GCN1: variants seen among roughly 807,000 people sequenced by gnomAD.
The protein encoded by GCN1 is stalled ribosome sensor GCN1.
A neutral mutation model predicts 288.4 loss-of-function variants in GCN1; 90 were observed. The ratio of observed to expected loss-of-function variants is 0.31; its 90% CI spans 0.26 to 0.37. GCN1 has a LOEUF of 0.37. Ranked by LOEUF, GCN1 falls within the 10% of genes least tolerant of loss-of-function variation. The pLI is 1.00. For synonymous variants in GCN1, 1,386 were observed against 1,420.2 expected (o/e 0.98, Z 0.54); for missense variants, 2,586 against 3,419.9 (o/e 0.76, Z 6.08).
At chr12:120,130,193 G>A (rs868839362) in intron 56 of GCN1, among the ~76,000 whole-genome samples, 49 of 152,262 alleles carry the variant, frequency 3.2e-4, no homozygotes, top group African/African-American at 8.7e-4. Context: ...TCAGAAGCAC[G>A]CCATATCACA....
chr12:120,188,442 A>AG (rs1318774881), intron 2 of GCN1, among the ~76,000 whole-genome samples: 1 of 142,798 alleles, frequency 7.0e-6, no homozygotes, highest in South Asian at 2.1e-4. Flanking sequence ...TCACCAAAGA[A>AG]AAAAAAAAAA....
At position 120,164,701 on chromosome 12, in the gene GCN1, G is replaced by T; in HGVS notation, c.1633C>A (p.Leu545Met). 1 of 1,612,870 alleles carries T rather than the reference G, an allele frequency of 6.2e-7. No homozygotes were observed. The highest frequency in any genetic ancestry group is 8.5e-7 in the Non-Finnish European group (1 of 1,178,838). ...TGGTCAAGGAAAAGTCTCTCTGTCA[G>T]ATGCAACACAGTACACAGGGCTTGG... ...SEDALCTVLH[L>M]TERLFLDHPH... Residue 545 changes from leucine to methionine, a missense_variant, in exon 17 of 58, where the codon CTG becomes ATG. By Grantham distance (15) the Leu-to-Met change is conservative. Coordinates refer to ENST00000300648, the MANE Select transcript of GCN1 (RefSeq NM_006836.2).
rs1389920803 is a variant in GCN1 at position 120,178,886 on chromosome 12, C to T, written c.491G>A (p.Gly164Asp). 2 of 1,614,016 alleles carry T rather than the reference C, an allele frequency of 1.2e-6. No individual in the cohort carries two copies. The highest frequency in any genetic ancestry group is 3.3e-5 in the Admixed American group (2 of 59,996). ...CAGCTTCGTGAGTTTCTTCACAGCACCATCCACGGCGTGCTTGTGGGAGCC... is the reference window on the plus strand; with the variant it reads ...CAGCTTCGTGAGTTTCTTCACAGCATCATCCACGGCGTGCTTGTGGGAGCC... ...LGGSHKHAVD[G>D]AVKKLTKLWK... Residue 164 changes from glycine to aspartate, a missense_variant, in exon 6 of 58, where the codon GGT (glycine) becomes GAT (aspartate). By Grantham distance (94) the Gly-to-Asp change is moderately conservative (BLOSUM62 -1). Transcript: ENST00000300648.
Position 120,155,264 on chromosome 12 carries a change from C to G in GCN1, c.3607G>C (p.Glu1203Gln), listed in dbSNP as rs1212048371. The G allele has an allele frequency of 3.7e-6, 6 of 1,614,208 alleles. No homozygotes were observed. Among genetic ancestry groups the G allele is most frequent in the Non-Finnish European group, 3.4e-6 (4 of 1,180,048 alleles). Residue 1203 changes from glutamate to glutamine, a missense_variant, in exon 30 of 58, where the codon GAG becomes CAG. Glu to Gln is a conservative substitution (Grantham distance 29). This residue lies in a region of GCN1 where 332 missense variants were observed against 403.0 expected (regional missense o/e 0.82). Transcript: ENST00000300648. This position sits in a 1 kb window ranked among gnomAD's most constrained non-coding sequence, Gnocchi z 4.9. ...ACGTAGAGCTTTTCCTGGTAAATCT[C>G]CATGAGCCTGCCCATAACCTCCGCC... ...QAAEVMGRLM[E>Q]IYQEKLYRPP... is the part of the protein sequence containing the mutation.
In GCN1 at chr12:120,137,152, G is replaced by A. The variant is rs1877032501; in HGVS notation, c.6777+54C>T. On this transcript the variant is annotated intron_variant, in intron 50 of 57. Coordinates refer to ENST00000300648, the MANE Select transcript of GCN1 (RefSeq NM_006836.2). The surrounding 1 kb of genome is among the most constrained non-coding windows in gnomAD (Gnocchi z 5.2). ...AGACCTGGGACAGGGGTAAGGGCCAGAAGGGCACAACAGACTGCACGCCCA... is the reference window on the plus strand; with the variant it reads ...AGACCTGGGACAGGGGTAAGGGCCAAAAGGGCACAACAGACTGCACGCCCA... The A allele has an allele frequency of 7.5e-7, 1 of 1,329,806 alleles. No homozygotes were observed. The highest frequency in any genetic ancestry group is 1.7e-5 in the Admixed American group (1 of 59,528). 82.4% of individuals were successfully genotyped at this position (1,329,806 alleles called of 1,614,324 possible).
chr12:120,139,025 AG>A (rs1372697394), intron 45 of GCN1, 169 bp from the exon 46 acceptor site: 5 of 558,918 alleles, frequency 8.9e-6, no homozygotes, highest in Non-Finnish European at 1.5e-5. Flanking sequence ...AAAGGAGAGA[AG>A]GGGCCGGGCA....
intron 26 of GCN1, among the ~76,000 whole-genome samples, chr12:120,157,639 C>T (rs1219494104): frequency 6.6e-6 from 1 of 152,226 alleles, no homozygotes; most frequent in Non-Finnish European, 1.5e-5. Context: ...ACTGGCATGG[C>T]AGGAGAGCCA....
At position 120,175,876 on chromosome 12, in the gene GCN1, TGC is replaced by T. The variant is rs1237246136; in HGVS notation, c.914-4_914-3del. 1 of 1,603,724 alleles carries T rather than the reference TGC, an allele frequency of 6.2e-7. No homozygotes were observed. Among genetic ancestry groups the T allele is most frequent in the South Asian group, 1.1e-5 (1 of 89,136 alleles). On this transcript the variant is annotated splice_polypyrimidine_tract_variant and splice_region_variant and intron_variant, in intron 10 of 57. Coordinates refer to ENST00000300648, the MANE Select transcript of GCN1 (RefSeq NM_006836.2). The stretch of plus-strand genomic sequence containing the variant: ...GGGGACTGTTGGATTTCAGGTGACC[TGC>T]ACACACAAAGCCACTGCTCAGAAGC...
intron 5 of GCN1, among the ~76,000 whole-genome samples, chr12:120,179,817 G>C (rs1026370036): frequency 6.6e-6 from 1 of 152,118 alleles, no homozygotes; most frequent in East Asian, 1.9e-4. Context: ...AAGAATTAAG[G>C]GTCCTGTTTC....
chr12:120,185,663 C>A (rs372555544), intron 2 of GCN1, among the ~76,000 whole-genome samples: 1 of 152,114 alleles, frequency 6.6e-6, no homozygotes, highest in Non-Finnish European at 1.5e-5. Flanking sequence ...TGCAGTAGTG[C>A]GATCTCGGCT....
chr12:120,167,928 C>T (rs1020471993), intron 16 of GCN1, among the ~76,000 whole-genome samples: 16 of 152,032 alleles, frequency 1.1e-4, no homozygotes, highest in Admixed American at 9.2e-4. Context: ...AGAAAACCTC[C>T]GAGACAGCAC....
chr12:120,189,513 C>T (rs1878936347), intron 2 of GCN1, among the ~76,000 whole-genome samples: 1 of 151,108 alleles, frequency 6.6e-6, no homozygotes. Flanking sequence ...CAGGTGCACA[C>T]CACCACACCT....
chr12:120,155,004 T>A lies in GCN1; in HGVS notation c.3667A>T (p.Ile1223Phe), dbSNP rs753758367. 1.2e-6 allele frequency: 2 copies of A among 1,614,016 alleles called. No homozygotes were observed. The highest frequency in any genetic ancestry group is 3.3e-5 in the Admixed American group (2 of 60,026). The change falls in exon 31 of 58, where the codon ATT (isoleucine) becomes TTT (phenylalanine). Residue 1223 changes from isoleucine (I) to phenylalanine (F), a missense_variant. By Grantham distance (21) the Ile-to-Phe change is conservative. Transcript: ENST00000300648. This position sits in a 1 kb window ranked among gnomAD's most constrained non-coding sequence, Gnocchi z 4.9. ...CACTGATCTGGAGGAGATTCTGAAATAACTCGTCCCAAAGCATCCAGCACT... is the reference window on the plus strand; with the variant it reads ...CACTGATCTGGAGGAGATTCTGAAAAAACTCGTCCCAAAGCATCCAGCACT... ...PPVLDALGRV[I>F]SESPPDQWEA...
At chr12:120,146,258 T>C (rs1302609382) in intron 38 of GCN1, among the ~76,000 whole-genome samples, 2 of 131,216 alleles carry the variant, frequency 1.5e-5, no homozygotes, top group Non-Finnish European at 1.6e-5. Context: ...AGAGCAAGAC[T>C]CCATCTCAAA....
rs375620231 is a variant in GCN1, at chr12:120,193,019, A to G, written c.18+1661T>C. Among the ~76,000 whole-genome samples the G allele has an allele frequency of 9.9e-5, 15 of 152,150 alleles. No homozygotes were observed. In the South Asian group the frequency reaches 3.1e-3, roughly 32 times the overall value. ...CCATTGCACTCCAGCCTGGGCAACA[A>G]GAGAGAAACTCCGTCTCAAAAAATA... On this transcript the variant is annotated intron_variant, in intron 1 of 57. Coordinates refer to ENST00000300648, the MANE Select transcript of GCN1 (RefSeq NM_006836.2).
chr12:120,173,664 G>A lies in GCN1; in HGVS notation c.1355C>T (p.Ala452Val). 3 of 1,606,558 alleles carry A rather than the reference G, an allele frequency of 1.9e-6. 1 individual carries two copies. In the South Asian group the frequency reaches 3.3e-5, roughly 18 times the overall value. The change falls in exon 14 of 58, where the codon GCC becomes GTC. Residue 452 changes from alanine (A) to valine (V), a missense_variant. Around this residue, in one of 8 missense-constraint regions of GCN1, gnomAD observed 913 missense variants for 1,107.0 expected, o/e 0.82. Transcript: ENST00000300648. ...GGGAGTTGTCTTACCCCGGTAAGAG[G>A]CCAACATGCACTGCAGGTAGGCATG... is the stretch of plus-strand genomic sequence containing the variant. ...VRHAYLQCML[A>V]SYRGDTLLQA...
Position 120,156,507 on chromosome 12 carries a change from C to T in GCN1, c.3266G>A (p.Cys1089Tyr), listed in dbSNP as rs1877753327. The T allele has an allele frequency of 1.2e-6, 2 of 1,614,000 alleles. No individual in the cohort carries two copies. Among genetic ancestry groups the T allele is most frequent in the Admixed American group, 1.7e-5 (1 of 59,996 alleles). Residue 1089 changes from cysteine (C) to tyrosine (Y), a missense_variant, in exon 28 of 58, where the codon TGT becomes TAT. Physicochemically the swap from Cys to Tyr is radical, Grantham distance 194 (BLOSUM62 -2). This residue lies in a region of GCN1 where 332 missense variants were observed against 403.0 expected (regional missense o/e 0.82). Coordinates refer to ENST00000300648, the MANE Select transcript of GCN1 (RefSeq NM_006836.2). The surrounding 1 kb of genome is among the most constrained non-coding windows in gnomAD (Gnocchi z 5.8). ...AEQEEVDVLL[C>Y]ALQSPCASVR... ...GCTGGCACACGGGGACTGCAAGGCACAGAGCAGCACGTCCACCTCCTCCTG... is the reference window on the plus strand; with the variant it reads ...GCTGGCACACGGGGACTGCAAGGCATAGAGCAGCACGTCCACCTCCTCCTG...
Position 120,147,079 on chromosome 12 carries a change from G to C in GCN1, c.4920C>G (p.Gly1640=), listed in dbSNP as rs762369774. ...DTRKMAAQII[G]NMYSLTDQKD... ...TCTGGTCTGTCAGGGAGTACATGTT[G>C]CCAATAATCTGGGCTGCCATCTTCC... The change falls in exon 38 of 58, where the codon GGC becomes GGG. Residue 1640 remains glycine, a synonymous_variant. Coordinates refer to ENST00000300648, the MANE Select transcript of GCN1 (RefSeq NM_006836.2). 8.8e-6 allele frequency: 14 copies of C among 1,588,328 alleles called. No individual in the cohort carries two copies. Among genetic ancestry groups the C allele is most frequent in the Non-Finnish European group, 1.2e-5 (14 of 1,162,208 alleles).
intron 57 of GCN1, among the ~76,000 whole-genome samples, chr12:120,128,279 C>CGCACCTGGCCCCATCATGCTTT (rs1876682736): frequency 6.6e-6 from 1 of 151,888 alleles, no homozygotes; most frequent in Non-Finnish European, 1.5e-5. Flanking sequence ...CATGAGCCAT[C>CGCACCTGGCCCCATCATGCTTT]GCACCTGGCC....
Sources: allele counts gnomAD v4.1 joint callset (sites outside exome capture counted in the v4.1 genomes callset), GRCh38; gene constraint gnomAD v4.1.1; regional missense constraint gnomAD v4.1.1; non-coding constraint Gnocchi (gnomAD v3.1); transcripts MANE v1.5; gene names NCBI Gene and HGNC (gene_info 2026-07-23, HGNC 2026-07-21).